Variants in ARID2 observed in about 807,000 individuals in gnomAD.
The protein encoded by ARID2 is AT-rich interactive domain-containing protein 2.
In ARID2, 32 loss-of-function variants were observed where a neutral mutation model predicts 184.6. The observed-to-expected ratio is 0.17, with a 90% CI of 0.13 to 0.23. The LOEUF (loss-of-function observed/expected upper bound fraction) is 0.23, where lower values mean the gene tolerates loss of function less well. Ranked by LOEUF, ARID2 falls within the 10% of genes least tolerant of loss-of-function variation. The pLI is 1.00. For missense variants in ARID2, 1,696 were observed against 2,197.6 expected, an observed-to-expected ratio of 0.77 and a Z score of 4.56; for synonymous variants, 836 against 772.6, an observed-to-expected ratio of 1.08 and a Z score of -1.36.
intron 6 of ARID2, among the ~76,000 whole-genome samples, chr12:45,828,143 A>G (rs145906503): frequency 6.6e-6 from 1 of 152,182 alleles, no homozygotes; most frequent in African/African-American, 2.4e-5. Context: ...GAACATTATC[A>G]ACACCTCTGA....
intron 15 of ARID2, among the ~76,000 whole-genome samples, chr12:45,856,134 G>GCATGATGT (rs1247396578): frequency 7.0e-6 from 1 of 143,002 alleles, no homozygotes; most frequent in Non-Finnish European, 1.5e-5. Flanking sequence ...GAGTGCGGTG[G>GCATGATGT]CATGATGTCA....
intron 16 of ARID2, among the ~76,000 whole-genome samples, chr12:45,872,600 G>C (rs1033500595): frequency 3.3e-5 from 5 of 152,196 alleles, no homozygotes; most frequent in Admixed American, 2.6e-4. Flanking sequence ...GCCAAGCAAA[G>C]AGGGGAAAAG....
At chr12:45,787,499 T>C (rs1239580132) in intron 3 of ARID2, among the ~76,000 whole-genome samples, 1 of 152,088 alleles carries the variant, frequency 6.6e-6, no homozygotes, top group African/African-American at 2.4e-5. Context: ...CCTCCCAAAG[T>C]GCTGGGATTA....
In ARID2 at chr12:45,848,911, T is replaced by C; in HGVS notation, c.1656T>C (p.Thr552=). 1 of 1,612,690 alleles carries C rather than the reference T, an allele frequency of 6.2e-7. No homozygotes were observed. The highest frequency in any genetic ancestry group is 1.3e-5 in the African/African-American group (1 of 74,986). The change falls in exon 13 of 21, where the codon ACT becomes ACC. Residue 552 remains threonine (T), a synonymous_variant. Transcript: ENST00000334344. ...AAATGTATTCTGAATACCTCTCGACTTGCAGTAAATTAGCTCGTGGTGGAA... is the reference window on the plus strand; with the variant it reads ...AAATGTATTCTGAATACCTCTCGACCTGCAGTAAATTAGCTCGTGGTGGAA... ...RAEMYSEYLS[T]CSKLARGGIL...
intron 6 of ARID2, among the ~76,000 whole-genome samples, chr12:45,832,987 A>G (rs1943149849): frequency 6.6e-6 from 1 of 152,208 alleles, no homozygotes; most frequent in African/African-American, 2.4e-5. Context: ...CTGAGGGATG[A>G]CTGAATATGT....
chr12:45,801,194 C>G (rs376631490), intron 3 of ARID2, among the ~76,000 whole-genome samples: 1 of 151,894 alleles, frequency 6.6e-6, no homozygotes, highest in African/African-American at 2.4e-5. Flanking sequence ...CGCCCGTAGT[C>G]GCAGCTACTT....
chr12:45,743,344 G>C (rs1334642184), intron 3 of ARID2, among the ~76,000 whole-genome samples: 1 of 152,134 alleles, frequency 6.6e-6, no homozygotes, highest in Non-Finnish European at 1.5e-5. Context: ...CCTCTAGCCT[G>C]GGTGACTGAG....
chr12:45,742,030 C>T (rs1256619461), intron 3 of ARID2, among the ~76,000 whole-genome samples: 1 of 152,170 alleles, frequency 6.6e-6, no homozygotes, highest in East Asian at 1.9e-4. Flanking sequence ...TAGTTCTCTA[C>T]AATAGTATAT....
intron 20 of ARID2, among the ~76,000 whole-genome samples, chr12:45,894,381 G>A (rs1474543670): frequency 6.6e-6 from 1 of 152,130 alleles, no homozygotes; most frequent in East Asian, 1.9e-4. Context: ...GTTCCTGATA[G>A]TCACTTTCTA....
chr12:45,829,226 C>A (rs1565611940), intron 6 of ARID2, among the ~76,000 whole-genome samples: 1 of 151,914 alleles, frequency 6.6e-6, no homozygotes, highest in Admixed American at 6.6e-5. Context: ...TTTCTAGATT[C>A]TTTTTCATTG....
chr12:45,835,196 C>G (rs1388772400), intron 6 of ARID2, among the ~76,000 whole-genome samples: 1 of 152,060 alleles, frequency 6.6e-6, no homozygotes, highest in African/African-American at 2.4e-5. Flanking sequence ...TGTAGAATTT[C>G]TTTTTAGTTC....
intron 6 of ARID2, among the ~76,000 whole-genome samples, chr12:45,824,984 C>T (rs1942967276): frequency 1.3e-5 from 2 of 151,340 alleles, no homozygotes; most frequent in Non-Finnish European, 2.9e-5. Flanking sequence ...TCAATGAAAA[C>T]CTAGGCACAG....
At chr12:45,849,098 G>A (rs550893443) in intron 13 of ARID2, 128 bp downstream of exon 13, 5 of 1,039,044 alleles carry the variant, frequency 4.8e-6, no homozygotes, top group Non-Finnish European at 6.6e-6. Flanking sequence ...CGTATGGATA[G>A]GTTATAGTGT....
At chr12:45,804,899 T>G (rs1942573000) in intron 3 of ARID2, among the ~76,000 whole-genome samples, 1 of 152,124 alleles carries the variant, frequency 6.6e-6, no homozygotes, top group East Asian at 1.9e-4. Flanking sequence ...TATTCGATTT[T>G]TTGCATGCTT....
At chr12:45,771,503 A>G (rs1292450754) in intron 3 of ARID2, among the ~76,000 whole-genome samples, 1 of 125,248 alleles carries the variant, frequency 8.0e-6, no homozygotes, top group Non-Finnish European at 1.5e-5. Flanking sequence ...TGTTTTTACA[A>G]AAAAAAAAAA....
At chr12:45,785,359 C>T (rs962865829) in intron 3 of ARID2, among the ~76,000 whole-genome samples, 2 of 152,174 alleles carry the variant, frequency 1.3e-5, no homozygotes, top group African/African-American at 4.8e-5. Context: ...ATATCATCAT[C>T]ATCATCTTTC....
chr12:45,778,520 A>G (rs941422163), intron 3 of ARID2, among the ~76,000 whole-genome samples: 7 of 152,154 alleles, frequency 4.6e-5, no homozygotes, highest in East Asian at 1.9e-4. Context: ...AAAAGACTGC[A>G]GAGAGAGTAA....
chr12:45,789,168 TA>T (rs1390936035), intron 3 of ARID2: 4 of 152,328 alleles, frequency 2.6e-5, no homozygotes, highest in Non-Finnish European at 5.9e-5. Context: ...TCAGTTTCCT[TA>T]TCTGTAGAAT....
intron 5 of ARID2, among the ~76,000 whole-genome samples, chr12:45,820,514 T>C (rs1488267654): frequency 4.6e-5 from 7 of 152,236 alleles, no homozygotes; most frequent in Non-Finnish European, 1.0e-4. Context: ...ATTTTGTTTT[T>C]TTAAAGATTA....
Sources: gnomAD v4.1 joint callset for allele counts (sites outside exome capture counted in the v4.1 genomes callset) on GRCh38, gnomAD v4.1.1 for gene constraint, MANE v1.5 for transcripts, NCBI Gene and HGNC (gene_info 2026-07-23, HGNC 2026-07-21) for gene names.